Variants in AP4E1 observed in about 807,000 individuals in gnomAD.
AP4E1 encodes the protein adaptor related protein complex 4 subunit epsilon 1.
Under a neutral mutation model 128.2 loss-of-function variants are expected in AP4E1, and 56 were observed. The ratio of observed to expected loss-of-function variants is 0.44; its 90% confidence interval spans 0.35 to 0.55. The LOEUF is 0.55. Ranked by LOEUF, AP4E1 falls within the 20% of genes least tolerant of loss-of-function variation. AP4E1 has a pLI of 0.00. For missense variants in AP4E1, 1,324 were observed against 1,307.7 expected (o/e 1.01, Z -0.19); for synonymous variants, 484 against 473.1 (o/e 1.02, Z -0.30).
At chr15:50,994,521 T>A (rs1447144977) in intron 17 of AP4E1, among the ~76,000 whole-genome samples, 1 of 152,194 alleles carries the variant, frequency 6.6e-6, no homozygotes, top group East Asian at 1.9e-4. Flanking sequence ...CCCATTTCTG[T>A]CAGACTTGAT....
chr15:50,947,964 C>T lies in AP4E1; in HGVS notation c.1177-56C>T. 4.5e-6 allele frequency: 6 copies of T among 1,336,604 alleles called. 1 individual carries two copies. The South Asian group carries it at 7.4e-5, about 16-fold the overall frequency. 82.8% of individuals were successfully genotyped at this position (1,336,604 alleles called of 1,614,324 possible). A position where few individuals can be genotyped will look rare whatever the true frequency, so the allele number is the denominator to read the frequency against. On this transcript the variant is annotated intron_variant, in intron 10 of 20. Coordinates refer to ENST00000261842, the MANE Select transcript of AP4E1 (RefSeq NM_007347.5). ...TGGTCAACCTTTATGTTACTGTACT[C>T]ATTGGTGTTATGCATAGTTTTATAA...
At chr15:50,941,413 A>G (rs777773329) in intron 8 of AP4E1, 29 bp from the exon 9 acceptor site, 3 of 1,607,734 alleles carry the variant, frequency 1.9e-6, no homozygotes, top group African/African-American at 1.3e-5. Context: ...TTACCATGAT[A>G]CCTGCCATTT....
intron 14 of AP4E1, among the ~76,000 whole-genome samples, chr15:50,964,955 C>CCACG (rs1555459130): frequency 1.5e-5 from 2 of 131,370 alleles, no homozygotes; most frequent in Non-Finnish European, 3.2e-5. Flanking sequence ...CCTCCCCCTA[C>CCACG]CACACACACA....
At chr15:50,914,644 CTG>C in intron 2 of AP4E1, among the ~76,000 whole-genome samples, 1 of 89,554 alleles carries the variant, frequency 1.1e-5, no homozygotes, top group South Asian at 4.6e-4. Flanking sequence ...GAGCGAGACT[CTG>C]TCTCAAAAAA....
In AP4E1 at chr15:50,949,894, T is replaced by G; in HGVS notation, c.1385T>G (p.Met462Arg). 6.2e-7 allele frequency: 1 copy of G among 1,613,820 alleles called. No homozygotes were observed. Among genetic ancestry groups the G allele is most frequent in the Non-Finnish European group, 8.5e-7 (1 of 1,179,808 alleles). Residue 462 changes from methionine to arginine, a missense_variant, in exon 12 of 21, where the codon ATG becomes AGG. By Grantham distance (91) the Met-to-Arg change is moderately conservative (BLOSUM62 -1). Coordinates refer to ENST00000261842, the MANE Select transcript of AP4E1 (RefSeq NM_007347.5). Reference sequence around the variant, plus strand: ...GTGTTTTCAGTAGGAGGAGATGTAATGCATCCTGATATTCCCAATAACTTT... The same window carrying G: ...GTGTTTTCAGTAGGAGGAGATGTAAGGCATCCTGATATTCCCAATAACTTT... ...NAVFSVGGDVMHPDIPNNFLR... is the reference protein window; with the variant it reads ...NAVFSVGGDVRHPDIPNNFLR...
At chr15:50,987,557 T>G (rs1036145608) in intron 16 of AP4E1, among the ~76,000 whole-genome samples, 2 of 152,244 alleles carry the variant, frequency 1.3e-5, no homozygotes, top group Non-Finnish European at 2.9e-5. Flanking sequence ...CATTTCGTTA[T>G]GTACCCAGTA....
intron 17 of AP4E1, among the ~76,000 whole-genome samples, chr15:50,995,980 CTTTTTTTTTT>C (rs1199189475): frequency 1.1e-5 from 1 of 91,796 alleles, no homozygotes; most frequent in South Asian, 3.9e-4. Context: ...TAATATACAT[CTTTTTTTTTT>C]TTTTTTTTTT....
intron 13 of AP4E1, among the ~76,000 whole-genome samples, chr15:50,953,818 G>T (rs2064182513): frequency 6.6e-6 from 1 of 152,132 alleles, no homozygotes; most frequent in Non-Finnish European, 1.5e-5. Flanking sequence ...AAGGGAAATT[G>T]CCTCTGTGAA....
At chr15:50,944,725 A>G in intron 10 of AP4E1, 4 of 533,966 alleles carry the variant, frequency 7.5e-6, no homozygotes, top group Non-Finnish European at 1.4e-5. Flanking sequence ...TTGGACTTAC[A>G]GAGAGTTCCA....
At chr15:50,969,210 C>G (rs2064441600) in intron 15 of AP4E1, among the ~76,000 whole-genome samples, 1 of 152,078 alleles carries the variant, frequency 6.6e-6, no homozygotes, top group Non-Finnish European at 1.5e-5. Flanking sequence ...CTCTATGTGT[C>G]CATGTGTTTT....
At chr15:50,920,182 C>A (rs138794519) in intron 3 of AP4E1, among the ~76,000 whole-genome samples, 50 of 132,314 alleles carry the variant, frequency 3.8e-4, no homozygotes, top group Non-Finnish European at 4.4e-4. Context: ...GGCGCTATCT[C>A]GGCTCACTGC....
chr15:50,918,468 A>G (rs2063655673), intron 3 of AP4E1, among the ~76,000 whole-genome samples: 1 of 152,202 alleles, frequency 6.6e-6, no homozygotes. Context: ...AATATTAGAT[A>G]GTTGATGGTA....
chr15:50,996,762 G>A (rs1172784578), intron 17 of AP4E1, among the ~76,000 whole-genome samples: 2 of 152,194 alleles, frequency 1.3e-5, no homozygotes, highest in Non-Finnish European at 1.5e-5. Flanking sequence ...TCTCCTGAAT[G>A]TGTGGCAAAC....
Position 50,972,273 on chromosome 15 carries a change from A to G in AP4E1, c.1966+3896A>G, listed in dbSNP as rs550986592. Among the ~76,000 whole-genome samples the G allele has an allele frequency of 3.3e-5, 5 of 152,080 alleles. No homozygotes were observed. In the South Asian group the frequency reaches 8.3e-4, roughly 25 times the overall value. ...GTCATCCAGGCTGGAGTGCGGTGGC[A>G]TGATCTTGGCTCACTGCAACCTCTG... On this transcript the variant is annotated intron_variant, in intron 15 of 20. Transcript: ENST00000261842.
chr15:50,921,365 T>C (rs557219768), intron 3 of AP4E1, among the ~76,000 whole-genome samples: 1 of 152,232 alleles, frequency 6.6e-6, no homozygotes, highest in East Asian at 1.9e-4. Flanking sequence ...CTTTTTTTTT[T>C]TGAGACAGAG....
chr15:50,958,946 G>A (rs1567237183), intron 14 of AP4E1, 152 bp downstream of exon 14: 5 of 878,424 alleles, frequency 5.7e-6, no homozygotes, highest in African/African-American at 1.7e-5. Context: ...GTATGACAGG[G>A]AATCTGAAAG....
chr15:50,961,136 A>G (rs1262729038), intron 14 of AP4E1, among the ~76,000 whole-genome samples: 1 of 152,060 alleles, frequency 6.6e-6, no homozygotes, highest in Non-Finnish European at 1.5e-5. Flanking sequence ...CAACAGAGAA[A>G]AGCTTACAAG....
intron 15 of AP4E1, among the ~76,000 whole-genome samples, chr15:50,977,726 T>TA (rs1279295669): frequency 6.7e-6 from 1 of 149,760 alleles, no homozygotes; most frequent in Non-Finnish European, 1.5e-5. Flanking sequence ...TTTTTTTTTT[T>TA]AGACAGAGTC....
chr15:50,934,035 T>C (rs573652525), intron 7 of AP4E1, among the ~76,000 whole-genome samples: 3 of 152,228 alleles, frequency 2.0e-5, no homozygotes, highest in South Asian at 4.1e-4. Flanking sequence ...TGCACTTTTT[T>C]TTTCCCACAG....
Sources: gnomAD v4.1 joint callset for allele counts (sites outside exome capture counted in the v4.1 genomes callset) on GRCh38, gnomAD v4.1.1 for gene constraint, MANE v1.5 for transcripts, NCBI Gene and HGNC (gene_info 2026-07-23, HGNC 2026-07-21) for gene names.